ARHGAP32: variants seen among roughly 807,000 people sequenced by gnomAD.
ARHGAP32 encodes rho GTPase-activating protein 32.
A neutral mutation model predicts 186.5 loss-of-function variants in ARHGAP32; 51 were observed. The ratio of observed to expected loss-of-function variants is 0.27; its 90% CI spans 0.22 to 0.35. The LOEUF is 0.35. ARHGAP32 is among the 10% of genes least tolerant of loss of function. The pLI is 1.00. For missense variants in ARHGAP32, 2,186 were observed against 2,623.5 expected, an observed-to-expected ratio of 0.83 and a Z score of 3.64; for synonymous variants, 950 against 964.3, an observed-to-expected ratio of 0.99 and a Z score of 0.27.
chr11:129,093,259 T>C (rs1342355144), intron 6 of ARHGAP32, among the ~76,000 whole-genome samples: 2 of 152,060 alleles, frequency 1.3e-5, no homozygotes, highest in Non-Finnish European at 2.9e-5. Context: ...AAAAGTATTT[T>C]CACTTAAGGG....
intron 1 of ARHGAP32, among the ~76,000 whole-genome samples, chr11:129,271,449 G>A (rs979713509): frequency 4.6e-5 from 7 of 152,088 alleles, no homozygotes; most frequent in Non-Finnish European, 7.4e-5. Flanking sequence ...AGATGGTAAA[G>A]ACTTGGGGGA....
At chr11:129,243,502 C>T (rs987985496) in intron 1 of ARHGAP32, among the ~76,000 whole-genome samples, 1 of 152,104 alleles carries the variant, frequency 6.6e-6, no homozygotes, top group African/African-American at 2.4e-5. Flanking sequence ...ATAGTCTTCC[C>T]AGCTCCTATC....
chr11:128,970,991 G>A lies in ARHGAP32; in HGVS notation c.4222C>T (p.Leu1408=). The change falls in exon 23 of 23, where the codon CTG becomes TTG. Residue 1408 remains leucine, a synonymous_variant. Coordinates refer to ENST00000682385, the MANE Select transcript of ARHGAP32 (RefSeq NM_001378024.1). The surrounding 1 kb of genome is among the most constrained non-coding windows in gnomAD (Gnocchi z 5.8). ...ACAGACTCGGCGCGCAGGTGCAGCA[G>A]CGGGACCCGGGCACCGTCCCGCACT... ...EKVRDGARVP[L]LHLRAESVPA... is the part of the protein sequence containing the mutation. 4 of 1,613,710 alleles carry A rather than the reference G, an allele frequency of 2.5e-6. No homozygotes were observed. Among genetic ancestry groups the A allele is most frequent in the Non-Finnish European group, 3.4e-6 (4 of 1,180,026 alleles).
intron 11 of ARHGAP32, among the ~76,000 whole-genome samples, chr11:129,009,248 A>AT (rs568573523): frequency 4.6e-5 from 7 of 151,682 alleles, no homozygotes; most frequent in African/African-American, 1.7e-4. Context: ...AGGTAACTTA[A>AT]TTTTTTTTTC....
chr11:129,042,362 C>G (rs539179272), intron 10 of ARHGAP32, among the ~76,000 whole-genome samples: 87 of 152,208 alleles, frequency 5.7e-4, no homozygotes, highest in African/African-American at 2.1e-3. Context: ...ATCAGACTAT[C>G]AGTTTTGTTC....
intron 1 of ARHGAP32, among the ~76,000 whole-genome samples, chr11:129,263,512 C>T (rs986354285): frequency 6.7e-6 from 1 of 149,024 alleles, no homozygotes; most frequent in Non-Finnish European, 1.5e-5. Context: ...GCAAACCAAA[C>T]CATGATAAGA....
In ARHGAP32 at chr11:129,040,918, G is replaced by C. The variant is rs1269054032; in HGVS notation, c.1045+10C>G. 1 of 1,591,256 alleles carries C rather than the reference G, an allele frequency of 6.3e-7. No individual in the cohort carries two copies. On this transcript the variant is annotated intron_variant, in intron 11 of 22. Transcript: ENST00000682385. The stretch of plus-strand genomic sequence containing the variant: ...TAAAATAACTACACTAGTGAAAAAA[G>C]TGTACTCACCTGGTTTTGGCACTGA...
chr11:129,084,031 A>ATGCCGGGCGCGGTGG (rs1941304148), intron 6 of ARHGAP32, among the ~76,000 whole-genome samples: 1 of 152,080 alleles, frequency 6.6e-6, no homozygotes, highest in African/African-American at 2.4e-5. Context: ...AATATTAGGA[A>ATGCCGGGCGCGGTGG]CAACTCTATG....
chr11:128,998,258 T>C (rs1290304609), intron 12 of ARHGAP32, 61 bp downstream of exon 12: 18 of 1,351,608 alleles, frequency 1.3e-5, no homozygotes, highest in South Asian at 6.1e-5. Flanking sequence ...TAATTGGTTA[T>C]AGCAAACCAA....
chr11:129,138,312 AAAAGAAC>A (rs776408998), intron 2 of ARHGAP32, among the ~76,000 whole-genome samples: 1 of 118,824 alleles, frequency 8.4e-6, no homozygotes. Flanking sequence ...AAAAAAAAAA[AAAAGAAC>A]AATGCCGTCT....
chr11:129,133,651 C>A (rs374690181), intron 2 of ARHGAP32, among the ~76,000 whole-genome samples: 2 of 152,270 alleles, frequency 1.3e-5, no homozygotes, highest in East Asian at 3.9e-4. Flanking sequence ...CAGAAATCTG[C>A]ATCAAGTGAC....
chr11:129,077,496 G>A (rs1941081420), intron 6 of ARHGAP32, among the ~76,000 whole-genome samples: 1 of 152,076 alleles, frequency 6.6e-6, no homozygotes, highest in Admixed American at 6.5e-5. Context: ...CTGGCTGCAT[G>A]GGAGCTGGAT....
chr11:129,143,714 TAATA>T (rs1943111717), intron 2 of ARHGAP32, among the ~76,000 whole-genome samples: 1 of 152,146 alleles, frequency 6.6e-6, no homozygotes, highest in African/African-American at 2.4e-5. Context: ...GTTCTCAACT[TAATA>T]AGGAAAGAAA....
intron 11 of ARHGAP32, among the ~76,000 whole-genome samples, chr11:129,025,459 G>C (rs918903392): frequency 4.6e-5 from 7 of 152,150 alleles, no homozygotes; most frequent in African/African-American, 1.7e-4. Context: ...AAAACATTTT[G>C]ATCTTTACCA....
chr11:129,261,856 T>C (rs540077081), intron 1 of ARHGAP32, among the ~76,000 whole-genome samples: 8 of 152,330 alleles, frequency 5.3e-5, no homozygotes, highest in Admixed American at 4.6e-4. Context: ...AGAATCTTAT[T>C]TGGCAATAAA....
intron 10 of ARHGAP32, among the ~76,000 whole-genome samples, chr11:129,061,022 C>T (rs933329580): frequency 2.0e-5 from 3 of 152,084 alleles, no homozygotes; most frequent in African/African-American, 4.8e-5. Flanking sequence ...CACTCTTATC[C>T]ACCATCTTAT....
chr11:129,008,559 C>T (rs1937908635), intron 11 of ARHGAP32, among the ~76,000 whole-genome samples: 1 of 152,134 alleles, frequency 6.6e-6, no homozygotes, highest in Admixed American at 6.5e-5. Flanking sequence ...CCATGACTGA[C>T]AAGTTTCCTG....
chr11:129,001,430 T>C (rs1352749513), intron 11 of ARHGAP32, among the ~76,000 whole-genome samples: 1 of 152,250 alleles, frequency 6.6e-6, no homozygotes, highest in Admixed American at 6.5e-5. Flanking sequence ...AAGAAATGGC[T>C]ATTTGGATCT....
At chr11:129,152,071 T>A (rs1428734775) in intron 2 of ARHGAP32, among the ~76,000 whole-genome samples, 1 of 151,972 alleles carries the variant, frequency 6.6e-6, no homozygotes, top group Non-Finnish European at 1.5e-5. Context: ...CTAAAGATTA[T>A]CCAAGGCTAC....
Sources: gnomAD v4.1 joint callset for allele counts (sites outside exome capture counted in the v4.1 genomes callset) on GRCh38, gnomAD v4.1.1 for gene constraint, Gnocchi (gnomAD v3.1) non-coding constraint, MANE v1.5 for transcripts, NCBI Gene and HGNC (gene_info 2026-07-23, HGNC 2026-07-21) for gene names.